Variants in EPHB4 observed in about 807,000 individuals in gnomAD.
The protein encoded by EPHB4 is ephrin type-B receptor 4.
Under a neutral mutation model 110.6 loss-of-function variants are expected in EPHB4, and 50 were observed. The ratio of observed to expected loss-of-function variants is 0.45; its 90% CI spans 0.36 to 0.57. EPHB4 has a LOEUF of 0.57. Among genes scored for constraint, EPHB4 ranks in the 20% least tolerant of loss-of-function variants. EPHB4 has a pLI of 0.00. For synonymous variants in EPHB4, 592 were observed against 578.4 expected, an observed-to-expected ratio of 1.02 and a Z score of -0.34; for missense variants, 1,128 against 1,382.1, an observed-to-expected ratio of 0.82 and a Z score of 2.91.
At chr7:100,821,538 G>C (rs143492471) in intron 4 of EPHB4, among the ~76,000 whole-genome samples, 14,182 of 150,768 alleles carry the variant, frequency 0.094, 725 homozygotes, top group African/African-American at 0.13. Context: ...TGAGGCAGGA[G>C]AATGGTGTTA....
chr7:100,808,554 G>C (rs1812863591), intron 12 of EPHB4, among the ~76,000 whole-genome samples: 1 of 152,170 alleles, frequency 6.6e-6, no homozygotes, highest in African/African-American at 2.4e-5. Context: ...CATTGGTGCT[G>C]ATCCAACCAC....
intron 1 of EPHB4, 136 bp downstream of exon 1, chr7:100,826,843 T>G: frequency 1.2e-4 from 70 of 601,448 alleles, no homozygotes; most frequent in Non-Finnish European, 1.5e-4. Flanking sequence ...GTTCCAGCAC[T>G]ATCGGTCCGA....
intron 12 of EPHB4, among the ~76,000 whole-genome samples, chr7:100,812,397 C>T (rs1427630456): frequency 2.6e-5 from 4 of 152,024 alleles, no homozygotes; most frequent in Non-Finnish European, 5.9e-5. Context: ...TGATACCAGC[C>T]TGGCCTACAT....
chr7:100,806,340 C>CTGGT, intron 14 of EPHB4, 80 bp downstream of exon 14: 1 of 1,520,524 alleles, frequency 6.6e-7, no homozygotes, highest in Non-Finnish European at 8.9e-7. Flanking sequence ...AGTGATGACT[C>CTGGT]TCTGGGAACC....
In EPHB4 at chr7:100,805,674, C is replaced by T; in HGVS notation, c.2505G>A (p.Gln835=). Reference sequence around the variant, plus strand: ...CTGGGGGCGGGGGCAGCCGGTAGTCCTGTTCAATGGCATTGATCACCTGGA... The same window carrying T: ...CTGGGGGCGGGGGCAGCCGGTAGTCTTGTTCAATGGCATTGATCACCTGGA... The part of the protein sequence containing the change: ...SNQDVINAIE[Q]DYRLPPPPDC... The change falls in exon 15 of 17, where the codon CAG becomes CAA. Residue 835 remains glutamine (Q), a synonymous_variant. Coordinates refer to ENST00000358173, the MANE Select transcript of EPHB4 (RefSeq NM_004444.5). 6.6e-7 allele frequency: 1 copy of T among 1,516,704 alleles called. No homozygotes were observed. The allele number at this position is 1,516,704 out of a possible 1,614,324, so 94.0% of individuals were successfully genotyped here.
rs766737602 is a variant in EPHB4 at position 100,819,714 on chromosome 7, G to A, written c.1140C>T (p.Asp380=). Residue 380 remains aspartate (D), a synonymous_variant, in exon 6 of 17, where the codon GAC becomes GAT. Coordinates refer to ENST00000358173, the MANE Select transcript of EPHB4 (RefSeq NM_004444.5). ...CAPCGGDLTF[D]PGPRDLVEPW... is the part of the protein sequence containing the mutation. ...GCTCCACCAGGTCCCGGGGGCCGGG[G>A]TCAAAAGTCAGGTCTCCCCCGCAGG... The A allele has an allele frequency of 1.2e-6, 2 of 1,613,100 alleles. No individual in the cohort carries two copies. Among genetic ancestry groups the A allele is most frequent in the Admixed American group, 3.3e-5 (2 of 59,958 alleles).
intron 6 of EPHB4, among the ~76,000 whole-genome samples, chr7:100,818,849 C>T (rs1047252196): frequency 6.6e-6 from 1 of 152,074 alleles, no homozygotes; most frequent in Non-Finnish European, 1.5e-5. Context: ...GTGCCCACCA[C>T]CATGCCTGGC....
chr7:100,813,579 G>A lies in EPHB4; in HGVS notation c.1756+73C>T. 4 of 1,547,914 alleles carry A rather than the reference G, an allele frequency of 2.6e-6. No homozygotes were observed. The African/African-American group carries it at 4.1e-5, about 16-fold the overall frequency. ...GATCTGCCCACCTCTGCCTCCCAAA[G>A]TGCTGGGATTATAGATAGGAGCCAC... On this transcript the variant is annotated intron_variant, in intron 10 of 16. Coordinates refer to ENST00000358173, the MANE Select transcript of EPHB4 (RefSeq NM_004444.5).
At chr7:100,806,303 T>C in intron 14 of EPHB4, 117 bp downstream of exon 14, 2 of 1,259,762 alleles carry the variant, frequency 1.6e-6, no homozygotes, top group Non-Finnish European at 1.1e-6. Context: ...CTCCTTTTTG[T>C]CATCTCCATG....
At chr7:100,819,520 C>T (rs769592487) in intron 6 of EPHB4, 37 bp downstream of exon 6, 50 of 1,530,580 alleles carry the variant, frequency 3.3e-5, no homozygotes, top group East Asian at 3.2e-4. Context: ...ACATCTCTCC[C>T]GCCAGACCAC....
At chr7:100,821,582 C>G (rs972136417) in intron 4 of EPHB4, among the ~76,000 whole-genome samples, 1 of 150,244 alleles carries the variant, frequency 6.7e-6, no homozygotes, top group African/African-American at 2.4e-5. Context: ...GAGCCGAGAT[C>G]GCACCACTGC....
intron 16 of EPHB4, 23 bp downstream of exon 16, chr7:100,805,143 C>T (rs372255939): frequency 1.2e-6 from 2 of 1,608,208 alleles, no homozygotes; most frequent in Non-Finnish European, 1.7e-6. Context: ...CCCAGCCCCA[C>T]TCCAGCTCCT....
At position 100,822,313 on chromosome 7, in the gene EPHB4, C is replaced by T; in HGVS notation, c.766G>A (p.Ala256Thr). Reference protein sequence around the residue: ...AEQPVTGCSCAPGFEAAEGNT... With the variant: ...AEQPVTGCSCTPGFEAAEGNT... ...CCCTCAGCTGCCTCGAACCCCGGAG[C>T]ACAGCTGCAGCCCGTGACCGGCTGT... Residue 256 changes from alanine (A) to threonine (T), a missense_variant, in exon 4 of 17, where the codon GCT (alanine) becomes ACT (threonine). Coordinates refer to ENST00000358173, the MANE Select transcript of EPHB4 (RefSeq NM_004444.5). This position sits in a 1 kb window ranked among gnomAD's most constrained non-coding sequence, Gnocchi z 4.7. The T allele has an allele frequency of 5.7e-6, 9 of 1,567,194 alleles. No individual in the cohort carries two copies. Among genetic ancestry groups the T allele is most frequent in the Non-Finnish European group, 7.8e-6 (9 of 1,154,568 alleles).
chr7:100,810,563 G>A (rs576419420), intron 12 of EPHB4, among the ~76,000 whole-genome samples: 6 of 151,846 alleles, frequency 4.0e-5, no homozygotes, highest in Non-Finnish European at 8.8e-5. Context: ...GCAACATAGC[G>A]AGACCCCCAT....
At chr7:100,820,405 A>G in intron 4 of EPHB4, 109 bp from the exon 5 acceptor site, 2 of 1,369,480 alleles carry the variant, frequency 1.5e-6, no homozygotes, top group Non-Finnish European at 1.9e-6. Flanking sequence ...CTGAGGCTGG[A>G]GGATCGCTTG....
chr7:100,813,020 C>T, intron 11 of EPHB4, 26 bp from the exon 12 acceptor site: 1 of 1,612,524 alleles, frequency 6.2e-7, no homozygotes, highest in African/African-American at 1.3e-5. Flanking sequence ...CAGAGGTCAT[C>T]AGCTCTCCCG....
rs1056155858 is a variant in EPHB4, at chr7:100,815,824, A to C, written c.1588+1368T>G. Reference sequence around the variant, plus strand: ...CAACATAGGGAAACTGTCTCAACAAAACATAAAAAAAAATTTAGTTGAGCA... The same window carrying C: ...CAACATAGGGAAACTGTCTCAACAACACATAAAAAAAAATTTAGTTGAGCA... On this transcript the variant is annotated intron_variant, in intron 8 of 16. Transcript: ENST00000358173. 2.6e-5 allele frequency among the ~76,000 whole-genome samples: 4 copies of C among 152,110 alleles called. No individual in the cohort carries two copies. The East Asian group carries it at 7.7e-4, about 29-fold the overall frequency.
Position 100,813,923 on chromosome 7 carries a change from G to A in EPHB4, c.1687C>T (p.Leu563Phe). Residue 563 changes from leucine to phenylalanine, a missense_variant, in exon 9 of 17, where the codon CTC becomes TTC. Transcript: ENST00000358173. ...LVVIVVAVLC[L>F]RKQSNGREAE... Reference sequence around the variant, plus strand: ...TCTGGGTGTCAGAGCCCTTACCTGAGGCAGAGAACTGCGACCACAATGACC... The same window carrying A: ...TCTGGGTGTCAGAGCCCTTACCTGAAGCAGAGAACTGCGACCACAATGACC... 1 of 1,614,106 alleles carries A rather than the reference G, an allele frequency of 6.2e-7. No individual in the cohort carries two copies.
At chr7:100,804,899 T>C (rs1412737220) in intron 16 of EPHB4, among the ~76,000 whole-genome samples, 1 of 152,138 alleles carries the variant, frequency 6.6e-6, no homozygotes, top group Admixed American at 6.5e-5. Context: ...CAAAGATAGC[T>C]AGAAGTGAGA....
Sources: allele counts gnomAD v4.1 joint callset (sites outside exome capture counted in the v4.1 genomes callset), GRCh38; gene constraint gnomAD v4.1.1; non-coding constraint Gnocchi (gnomAD v3.1); transcripts MANE v1.5; gene names NCBI Gene and HGNC (gene_info 2026-07-23, HGNC 2026-07-21).